Variants in PTPRF observed in about 807,000 individuals in gnomAD.
The protein encoded by PTPRF is protein tyrosine phosphatase receptor type F.
Under a neutral mutation model 201.8 loss-of-function variants are expected in PTPRF, and 59 were observed. The observed-to-expected ratio is 0.29, with a 90% CI of 0.24 to 0.36. The LOEUF is 0.36. Ranked by LOEUF, PTPRF falls within the 10% of genes least tolerant of loss-of-function variation. The pLI is 1.00. For synonymous variants in PTPRF, 1,088 were observed against 1,089.7 expected, an observed-to-expected ratio of 1.00 and a Z score of 0.03; for missense variants, 2,132 against 2,690.5, an observed-to-expected ratio of 0.79 and a Z score of 4.59.
chr1:43,529,926 A>C (rs1643302526), upstream of PTPRF, among the ~76,000 whole-genome samples: 1 of 152,136 alleles, frequency 6.6e-6, no homozygotes, highest in Non-Finnish European at 1.5e-5. Flanking sequence ...AGGCCAATGT[A>C]AGGTTCACAG....
At chr1:43,620,291 C>T in intron 30 of PTPRF, 70 bp downstream of exon 30, 1 of 1,590,502 alleles carries the variant, frequency 6.3e-7, no homozygotes, top group East Asian at 2.2e-5. Context: ...GGGGGAGCTG[C>T]CGCCTATGTT....
upstream of PTPRF, among the ~76,000 whole-genome samples, chr1:43,525,660 C>T (rs1272471877): frequency 6.6e-6 from 1 of 151,866 alleles, no homozygotes; most frequent in African/African-American, 2.4e-5. Flanking sequence ...CAAAAATTAG[C>T]TGGGCGTGGT....
At position 43,605,525 on chromosome 1, in the gene PTPRF, C is replaced by G. The variant is rs766700786; in HGVS notation, c.3390-4C>G. The G allele has an allele frequency of 2.5e-6, 4 of 1,614,082 alleles. No homozygotes were observed. In the East Asian group the frequency reaches 6.7e-5, roughly 27 times the overall value. On this transcript the variant is annotated splice_region_variant and splice_polypyrimidine_tract_variant and intron_variant, in intron 18 of 33. Coordinates refer to ENST00000359947, the MANE Select transcript of PTPRF (RefSeq NM_002840.5). ...CAGTCCTGATTCCTGCCCTGCCCAC[C>G]CAGGTGGTTCTACATTGTTGTGGTG...
intron 5 of PTPRF, among the ~76,000 whole-genome samples, chr1:43,563,567 T>C (rs988826407): frequency 6.6e-6 from 1 of 152,024 alleles, no homozygotes; most frequent in Non-Finnish European, 1.5e-5. Context: ...GGAGGGAAAC[T>C]GGGAGTGTGT....
chr1:43,599,343 T>C lies in PTPRF; in HGVS notation c.2313+430T>C, dbSNP rs1052767884. ...CGCCTGCCTCAGTCTCCCAGAGTGC[T>C]GAGAATACAGGTGTTAGCCACTGTG... On this transcript the variant is annotated intron_variant, in intron 13 of 33. Transcript: ENST00000359947. 3.3e-5 allele frequency among the ~76,000 whole-genome samples: 5 copies of C among 152,216 alleles called. No individual in the cohort carries two copies. In the East Asian group the frequency reaches 7.7e-4, roughly 23 times the overall value.
chr1:43,605,784 G>A (rs1654952756), intron 19 of PTPRF, among the ~76,000 whole-genome samples, 162 bp downstream of exon 19: 1 of 152,202 alleles, frequency 6.6e-6, no homozygotes, highest in Non-Finnish European at 1.5e-5. Flanking sequence ...GGACTCTGAG[G>A]AAACCATCTG....
chr1:43,558,060 G>C (rs1028636445), intron 5 of PTPRF, among the ~76,000 whole-genome samples: 1 of 152,152 alleles, frequency 6.6e-6, no homozygotes, highest in African/African-American at 2.4e-5. Flanking sequence ...GGTTGGACTT[G>C]GACTGGAGCT....
intron 6 of PTPRF, among the ~76,000 whole-genome samples, chr1:43,571,597 C>T (rs1362378221): frequency 6.6e-6 from 1 of 152,242 alleles, no homozygotes; most frequent in African/African-American, 2.4e-5. Context: ...CTCAAATGTA[C>T]CACCCTCGTG....
chr1:43,584,471 T>C (rs2154003699), intron 7 of PTPRF, among the ~76,000 whole-genome samples: 1 of 152,312 alleles, frequency 6.6e-6, no homozygotes, highest in East Asian at 1.9e-4. Context: ...AAAACAGTCA[T>C]CAGCAGAGAC....
rs1035183590 is a variant in PTPRF at position 43,617,415 on chromosome 1, C to T, written c.4072-30C>T. The T allele has an allele frequency of 1.9e-6, 3 of 1,613,676 alleles. No individual in the cohort carries two copies. The African/African-American group carries it at 4.0e-5, about 22-fold the overall frequency. ...AGCAGGTCAACCTTGGCTCTTACCC[C>T]ACCCCACCCGCTTTCTCCATTCTCT... is the stretch of plus-strand genomic sequence containing the variant. On this transcript the variant is annotated intron_variant, in intron 23 of 33. Transcript: ENST00000359947.
chr1:43,573,873 G>C (rs1194659391), intron 6 of PTPRF, among the ~76,000 whole-genome samples: 1 of 151,056 alleles, frequency 6.6e-6, no homozygotes, highest in African/African-American at 2.4e-5. Context: ...CCCCCACCAA[G>C]TCCTGGCGTG....
Position 43,578,906 on chromosome 1 carries a change from A to T in PTPRF, c.665A>T (p.Asn222Ile). The T allele has an allele frequency of 6.2e-7, 1 of 1,614,188 alleles. No homozygotes were observed. The highest frequency in any genetic ancestry group is 8.5e-7 in the Non-Finnish European group (1 of 1,180,018). ...GGCACACGTTACTCAGCCCCTGCGA[A>T]CCTGTATGTGCGAGGTAAGGACTCA... The part of the protein sequence containing the change: ...SAGTRYSAPA[N>I]LYVRVRRVAP... Residue 222 changes from asparagine to isoleucine, a missense_variant, in exon 7 of 34, where the codon AAC (asparagine) becomes ATC (isoleucine). This residue lies in a region of PTPRF where 297 missense variants were observed against 454.0 expected (regional missense o/e 0.65). Transcript: ENST00000359947.
At chr1:43,528,924 C>T (rs2153943462), upstream of PTPRF, among the ~76,000 whole-genome samples, 1 of 152,084 alleles carries the variant, frequency 6.6e-6, no homozygotes, top group Admixed American at 6.5e-5. Context: ...AAAGAGGAGG[C>T]CTAGGACAGA....
At chr1:43,616,416 T>G (rs910703857) in intron 23 of PTPRF, among the ~76,000 whole-genome samples, 2 of 151,710 alleles carry the variant, frequency 1.3e-5, no homozygotes, top group Non-Finnish European at 2.9e-5. Flanking sequence ...TTGGAAGGAT[T>G]ATTCTGGCTG....
intron 16 of PTPRF, 103 bp downstream of exon 16, chr1:43,604,292 C>G: frequency 8.2e-7 from 1 of 1,225,580 alleles, no homozygotes; most frequent in Non-Finnish European, 1.1e-6. Context: ...CCACCAGCCT[C>G]TGGTGTGTGA....
intron 22 of PTPRF, among the ~76,000 whole-genome samples, chr1:43,612,357 A>G (rs1656653927): frequency 6.6e-6 from 1 of 152,222 alleles, no homozygotes. Flanking sequence ...AGCAGGGCAC[A>G]GTGGGAGAGT....
chr1:43,615,218 C>T (rs1005142650), intron 23 of PTPRF, among the ~76,000 whole-genome samples: 3 of 152,246 alleles, frequency 2.0e-5, no homozygotes, highest in Non-Finnish European at 2.9e-5. Context: ...AGCAACCGTG[C>T]TGCCTCTGCC....
In PTPRF at chr1:43,591,329, C is replaced by T. The variant is rs755017217; in HGVS notation, c.1307C>T (p.Pro436Leu). ...SASTMLVQWE[P>L]PEEPNGLVRG... Reference sequence around the variant, plus strand: ...AGCACCATGCTGGTGCAGTGGGAGCCTCCCGAGGAGCCCAACGGCCTGGTG... The same window carrying T: ...AGCACCATGCTGGTGCAGTGGGAGCTTCCCGAGGAGCCCAACGGCCTGGTG... Residue 436 changes from proline to leucine, a missense_variant, in exon 9 of 34, where the codon CCT becomes CTT. By Grantham distance (98) the Pro-to-Leu change is moderately conservative. Coordinates refer to ENST00000359947, the MANE Select transcript of PTPRF (RefSeq NM_002840.5). 6.4e-7 allele frequency: 1 copy of T among 1,552,088 alleles called. No individual in the cohort carries two copies. The highest frequency in any genetic ancestry group is 8.7e-7 in the Non-Finnish European group (1 of 1,149,154).
At chr1:43,573,391 T>C (rs1481234542) in intron 6 of PTPRF, among the ~76,000 whole-genome samples, 1 of 152,214 alleles carries the variant, frequency 6.6e-6, no homozygotes, top group Non-Finnish European at 1.5e-5. Flanking sequence ...ACTAAGTCCA[T>C]GTGCTCATCC....
Sources: allele counts gnomAD v4.1 joint callset (sites outside exome capture counted in the v4.1 genomes callset), GRCh38; gene constraint gnomAD v4.1.1; regional missense constraint gnomAD v4.1.1; transcripts MANE v1.5; gene names NCBI Gene and HGNC (gene_info 2026-07-23, HGNC 2026-07-21).